The following CREB5 variants were observed in gnomAD, a reference collection of about 807,000 sequenced individuals.
CREB5 encodes the protein cAMP responsive element binding protein 5, also known as cyclic AMP-responsive element-binding protein 5.
Under a neutral mutation model 57.1 loss-of-function variants are expected in CREB5, and 19 were observed. The ratio of observed to expected loss-of-function variants is 0.33; its 90% confidence interval spans 0.23 to 0.49. The LOEUF (loss-of-function observed/expected upper bound fraction) is 0.49. Ranked by LOEUF, CREB5 falls within the 20% of genes least tolerant of loss-of-function variation. CREB5 has a pLI of 0.99. For missense variants in CREB5, 579 were observed against 671.6 expected, an observed-to-expected ratio of 0.86 and a Z score of 1.52; for synonymous variants, 238 against 238.3, an observed-to-expected ratio of 1.00 and a Z score of 0.01.
At chr7:28,800,106 TTAAA>T (rs557122332) in intron 7 of CREB5, among the ~76,000 whole-genome samples, 119 of 152,320 alleles carry the variant, frequency 7.8e-4, no homozygotes, top group South Asian at 5.0e-3. Flanking sequence ...TGAATATTAA[TTAAA>T]TAATCATACT....
intron 1 of CREB5, among the ~76,000 whole-genome samples, chr7:28,427,625 C>G (rs938289914): frequency 6.6e-6 from 1 of 151,940 alleles, no homozygotes; most frequent in African/African-American, 2.4e-5. Context: ...TGTATTTCCC[C>G]ACGGTGCCTG....
chr7:28,339,906 A>G (rs571581662), intron 1 of CREB5, among the ~76,000 whole-genome samples: 7 of 152,256 alleles, frequency 4.6e-5, no homozygotes, highest in African/African-American at 1.7e-4. Flanking sequence ...GTCTCTCCCC[A>G]TGGCCTGTGC....
At chr7:28,656,037 G>A (rs1450721319) in intron 5 of CREB5, among the ~76,000 whole-genome samples, 1 of 152,184 alleles carries the variant, frequency 6.6e-6, no homozygotes, top group Admixed American at 6.5e-5. Flanking sequence ...GTAGAACGTT[G>A]AGCATATTGA....
At chr7:28,325,852 A>G (rs6946020) in intron 1 of CREB5, among the ~76,000 whole-genome samples, 163 of 152,320 alleles carry the variant, frequency 1.1e-3, no homozygotes, top group African/African-American at 3.8e-3. Flanking sequence ...AATTACTAGC[A>G]TTATGCATTT....
intron 5 of CREB5, among the ~76,000 whole-genome samples, chr7:28,666,550 A>T (rs1046043434): frequency 7.3e-5 from 5 of 68,180 alleles, no homozygotes; most frequent in Middle Eastern, 0.012. Flanking sequence ...AAATATATAT[A>T]TTTTTTATTT....
At chr7:28,521,622 G>C (rs1261200732) in intron 4 of CREB5, among the ~76,000 whole-genome samples, 1 of 152,150 alleles carries the variant, frequency 6.6e-6, no homozygotes, top group Non-Finnish European at 1.5e-5. Flanking sequence ...TTCAATCCCT[G>C]TATTTAATAG....
intron 7 of CREB5, among the ~76,000 whole-genome samples, chr7:28,741,321 C>T (rs570923789): frequency 6.6e-6 from 1 of 152,282 alleles, no homozygotes; most frequent in Non-Finnish European, 1.5e-5. Flanking sequence ...CTGAAAGAGC[C>T]TCCCTCCATC....
At chr7:28,387,665 A>G (rs1330575379) in intron 1 of CREB5, among the ~76,000 whole-genome samples, 1 of 152,124 alleles carries the variant, frequency 6.6e-6, no homozygotes, top group African/African-American at 2.4e-5. Flanking sequence ...AGCATCAGGA[A>G]GAAGAGCTAG....
chr7:28,582,924 TAGC>T (rs1416253381), intron 5 of CREB5, among the ~76,000 whole-genome samples: 3 of 152,098 alleles, frequency 2.0e-5, no homozygotes, highest in Non-Finnish European at 4.4e-5. Flanking sequence ...AATAAGTAAA[TAGC>T]AGGCAGATCC....
Position 28,819,155 on chromosome 7 carries a change from G to T in CREB5, c.1403G>T (p.Cys468Phe). Residue 468 changes from cysteine to phenylalanine, a missense_variant, in exon 11 of 11, where the codon TGC (cysteine) becomes TTC (phenylalanine). Cys to Phe is a radical substitution (Grantham distance 205, BLOSUM62 -2). Coordinates refer to ENST00000357727, the MANE Select transcript of CREB5 (RefSeq NM_182898.4). ...CCTCCTGCTAGTCCTGTCCCAGCTT[G>T]CTCCCAGCAACAAGTCATCCAGCAT... is the stretch of plus-strand genomic sequence containing the variant. Reference protein sequence around the residue: ...SSPPASPVPACSQQQVIQHNT... With the variant: ...SSPPASPVPAFSQQQVIQHNT... 6.2e-7 allele frequency: 1 copy of T among 1,613,520 alleles called. No homozygotes were observed. The highest frequency in any genetic ancestry group is 1.7e-5 in the Admixed American group (1 of 59,952).
chr7:28,703,957 A>C (rs778897368), intron 5 of CREB5, among the ~76,000 whole-genome samples: 13 of 152,214 alleles, frequency 8.5e-5, no homozygotes, highest in Non-Finnish European at 1.8e-4. Context: ...CACTTAGGGA[A>C]TGTCATCTTA....
chr7:28,770,653 T>A (rs1401229394), intron 7 of CREB5, among the ~76,000 whole-genome samples: 1 of 152,226 alleles, frequency 6.6e-6, no homozygotes, highest in East Asian at 1.9e-4. Context: ...ATTGATCATC[T>A]AATGATGGTT....
chr7:28,380,200 G>A (rs985710673), intron 1 of CREB5, among the ~76,000 whole-genome samples: 3 of 152,222 alleles, frequency 2.0e-5, no homozygotes, highest in Non-Finnish European at 2.9e-5. Context: ...GCCAGTGAAA[G>A]TTCTCTACAG....
intron 1 of CREB5, among the ~76,000 whole-genome samples, chr7:28,447,060 C>A (rs1460262612): frequency 1.3e-5 from 2 of 152,158 alleles, no homozygotes; most frequent in Admixed American, 1.3e-4. Flanking sequence ...ACTAACTTCT[C>A]ACCTGGAAAG....
At chr7:28,531,177 T>C (rs1262694906) in intron 4 of CREB5, among the ~76,000 whole-genome samples, 1 of 152,156 alleles carries the variant, frequency 6.6e-6, no homozygotes, top group African/African-American at 2.4e-5. Context: ...CTAGGTTTTT[T>C]TTTCTTTTCA....
intron 1 of CREB5, among the ~76,000 whole-genome samples, chr7:28,400,072 C>CACAG (rs1231130822): frequency 2.0e-5 from 3 of 151,924 alleles, no homozygotes; most frequent in Admixed American, 2.0e-4. Context: ...CAGATACACA[C>CACAG]ACACACACAC....
intron 4 of CREB5, among the ~76,000 whole-genome samples, chr7:28,530,898 A>T (rs553351429): frequency 2.0e-5 from 3 of 152,316 alleles, no homozygotes; most frequent in African/African-American, 7.2e-5. Context: ...CTGCGGGAAA[A>T]ATATGCTTAA....
At chr7:28,778,180 C>A (rs1806769275) in intron 7 of CREB5, among the ~76,000 whole-genome samples, 1 of 152,176 alleles carries the variant, frequency 6.6e-6, no homozygotes, top group South Asian at 2.1e-4. Context: ...ATACTAAGAA[C>A]TTGTAGTAAC....
At chr7:28,440,313 G>A (rs371800033) in intron 1 of CREB5, among the ~76,000 whole-genome samples, 5 of 152,154 alleles carry the variant, frequency 3.3e-5, no homozygotes, top group Non-Finnish European at 7.4e-5. Context: ...TTTTCCTGAC[G>A]AGTTATAGAA....
Sources: gnomAD v4.1 joint callset for allele counts (sites outside exome capture counted in the v4.1 genomes callset) on GRCh38, gnomAD v4.1.1 for gene constraint, MANE v1.5 for transcripts, NCBI Gene and HGNC (gene_info 2026-07-23, HGNC 2026-07-21) for gene names.